SHANK2: variants seen among roughly 807,000 people sequenced by gnomAD.
The protein encoded by SHANK2 is SH3 and multiple ankyrin repeat domains 2.
Under a neutral mutation model 133.7 loss-of-function variants are expected in SHANK2, and 43 were observed. The ratio of observed to expected loss-of-function variants is 0.32; its 90% CI spans 0.25 to 0.41. The LOEUF (loss-of-function observed/expected upper bound fraction) is 0.41, where lower values mean the gene tolerates loss of function less well. Among genes scored for constraint, SHANK2 ranks in the 10% least tolerant of loss-of-function variants. The pLI is 1.00. For missense variants in SHANK2, 1,994 were observed against 2,235.8 expected, an observed-to-expected ratio of 0.89 and a Z score of 2.18; for synonymous variants, 1,017 against 952.8, an observed-to-expected ratio of 1.07 and a Z score of -1.24.
At chr11:70,491,271 G>GTCTC (rs2058883587) in intron 22 of SHANK2, among the ~76,000 whole-genome samples, 1 of 152,228 alleles carries the variant, frequency 6.6e-6, no homozygotes, top group African/African-American at 2.4e-5. Context: ...GCCTCTGTTT[G>GTCTC]TCTCACTCTA....
intron 11 of SHANK2, among the ~76,000 whole-genome samples, chr11:70,889,522 C>T (rs1463872392): frequency 6.6e-6 from 1 of 152,210 alleles, no homozygotes; most frequent in Admixed American, 6.5e-5. Flanking sequence ...GCAGAAACGC[C>T]TGGCAGGTCC....
In SHANK2 at chr11:70,486,684, G is replaced by A; in HGVS notation, c.3609C>T (p.His1203=). ...SGTAGPGNYV[H]PLTGRLLDPS... ...GATCAAGCAGCCGCCCTGTGAGTGG[G>A]TGGACATAATTCCCGGGGCCGGCTG... Residue 1203 remains histidine, a synonymous_variant, in exon 25 of 26, where the codon CAC becomes CAT. Transcript: ENST00000601538. This position sits in a 1 kb window ranked among gnomAD's most constrained non-coding sequence, Gnocchi z 8.0. 6.2e-7 allele frequency: 1 copy of A among 1,611,500 alleles called. No homozygotes were observed. The highest frequency in any genetic ancestry group is 8.5e-7 in the Non-Finnish European group (1 of 1,180,008).
chr11:70,585,658 T>C (rs1420451708), intron 17 of SHANK2, among the ~76,000 whole-genome samples: 1 of 150,146 alleles, frequency 6.7e-6, no homozygotes, highest in African/African-American at 2.4e-5. Flanking sequence ...TATCCCTCCA[T>C]CCATTCATCC....
chr11:71,060,998 T>A (rs1366280217), intron 9 of SHANK2, among the ~76,000 whole-genome samples: 1 of 152,236 alleles, frequency 6.6e-6, no homozygotes, highest in East Asian at 1.9e-4. Context: ...TTTTCAGACA[T>A]AACTATGTTC....
intron 11 of SHANK2, among the ~76,000 whole-genome samples, chr11:70,853,801 A>G (rs1555066343): frequency 1.3e-5 from 2 of 152,172 alleles, no homozygotes; most frequent in Non-Finnish European, 2.9e-5. Context: ...CAGGGCCTCT[A>G]GGAGAGGACC....
At chr11:70,759,711 T>A (rs1946951296) in intron 14 of SHANK2, among the ~76,000 whole-genome samples, 1 of 152,098 alleles carries the variant, frequency 6.6e-6, no homozygotes, top group Non-Finnish European at 1.5e-5. Flanking sequence ...CACCCCACAC[T>A]TAAATAAACG....
intron 17 of SHANK2, among the ~76,000 whole-genome samples, chr11:70,606,750 C>A (rs904378075): frequency 1.3e-5 from 2 of 152,106 alleles, no homozygotes; most frequent in African/African-American, 4.8e-5. Context: ...ATGGAATGGA[C>A]CGTCTGCTCC....
intron 2 of SHANK2, among the ~76,000 whole-genome samples, chr11:71,221,951 G>A (rs2135732223): frequency 6.6e-6 from 1 of 152,264 alleles, no homozygotes; most frequent in South Asian, 2.1e-4. Flanking sequence ...AGGGTCCCTT[G>A]GTGGCTCCTG....
At chr11:70,643,554 A>G (rs1156720846) in intron 17 of SHANK2, among the ~76,000 whole-genome samples, 1 of 142,010 alleles carries the variant, frequency 7.0e-6, no homozygotes, top group African/African-American at 2.7e-5. Context: ...CGACAGAGTG[A>G]GACTCCGTCT....
chr11:71,245,698 C>A (rs1189498051), intron 1 of SHANK2, among the ~76,000 whole-genome samples: 7 of 152,236 alleles, frequency 4.6e-5, no homozygotes, highest in African/African-American at 1.7e-4. Context: ...AGCTGAATGA[C>A]CCTCGAGGGA....
intron 17 of SHANK2, chr11:70,634,023 T>C (rs2061037096): frequency 6.6e-6 from 1 of 152,078 alleles, no homozygotes; most frequent in South Asian, 2.1e-4. Flanking sequence ...CTATAACACG[T>C]TGCTGGCAGG....
chr11:71,063,865 G>A (rs919063553), intron 9 of SHANK2, among the ~76,000 whole-genome samples: 31 of 152,220 alleles, frequency 2.0e-4, no homozygotes, highest in African/African-American at 7.2e-4. Context: ...ACCTCCCCAC[G>A]AAGGAGCGTT....
chr11:70,725,564 G>T (rs1204538709), intron 14 of SHANK2, among the ~76,000 whole-genome samples: 1 of 152,212 alleles, frequency 6.6e-6, no homozygotes, highest in African/African-American at 2.4e-5. Context: ...ACTATGGACC[G>T]AGTCACTTGG....
chr11:71,156,625 G>A (rs1406320324), intron 2 of SHANK2, among the ~76,000 whole-genome samples: 1 of 152,110 alleles, frequency 6.6e-6, no homozygotes, highest in African/African-American at 2.4e-5. Context: ...CCAGCTCTGA[G>A]AACTAATTCC....
chr11:70,924,927 T>C (rs939249287), intron 10 of SHANK2, among the ~76,000 whole-genome samples: 1 of 152,188 alleles, frequency 6.6e-6, no homozygotes, highest in South Asian at 2.1e-4. Context: ...GCTAACTTTG[T>C]ATTGGAAGCG....
chr11:70,948,613 C>T (rs992869338), intron 10 of SHANK2, among the ~76,000 whole-genome samples: 5 of 152,160 alleles, frequency 3.3e-5, no homozygotes, highest in African/African-American at 7.2e-5. Context: ...CCGCCAACTG[C>T]GTGCCCTCAG....
At chr11:70,872,248 C>T (rs1297052266) in intron 11 of SHANK2, 3 of 154,848 alleles carry the variant, frequency 1.9e-5, no homozygotes, top group Admixed American at 6.5e-5. Flanking sequence ...AGAAGGCATT[C>T]GCTTTTCAGA....
rs1239215229 is a variant in SHANK2 at position 71,217,973 on chromosome 11, C to T, written c.-13+6724G>A. Among the ~76,000 whole-genome samples, 3 of 152,096 alleles carry T rather than the reference C, an allele frequency of 2.0e-5. No homozygotes were observed. In the East Asian group the frequency reaches 5.8e-4, roughly 29 times the overall value. On this transcript the variant is annotated intron_variant, in intron 2 of 25. Transcript: ENST00000601538. Reference sequence around the variant, plus strand: ...TCACACCATTATCCTGCCTCAGCCTCCTGAGTAGCTGGGACTACAGGCACC... The same window carrying T: ...TCACACCATTATCCTGCCTCAGCCTTCTGAGTAGCTGGGACTACAGGCACC...
At position 70,569,737 on chromosome 11, in the gene SHANK2, C is replaced by T. The variant is rs77729978; in HGVS notation, c.2062-66806G>A. Among the ~76,000 whole-genome samples, 1 of 152,058 alleles carries T rather than the reference C, an allele frequency of 6.6e-6. No homozygotes were observed. Among genetic ancestry groups the T allele is most frequent in the South Asian group, 2.1e-4 (1 of 4,812 alleles). On this transcript the variant is annotated intron_variant, in intron 17 of 25. Coordinates refer to ENST00000601538, the MANE Select transcript of SHANK2 (RefSeq NM_012309.5). This position sits in a 1 kb window ranked among gnomAD's most constrained non-coding sequence, Gnocchi z 5.1. ...AATCAGAATCCTGCCTGGGTTTTTC[C>T]TCTACATCTACTGGGGAAGATGCTC...
Sources: gnomAD v4.1 joint callset for allele counts (sites outside exome capture counted in the v4.1 genomes callset) on GRCh38, gnomAD v4.1.1 for gene constraint, Gnocchi (gnomAD v3.1) non-coding constraint, MANE v1.5 for transcripts, NCBI Gene and HGNC (gene_info 2026-07-23, HGNC 2026-07-21) for gene names.